KCNMB2: variants seen among roughly 807,000 people sequenced by gnomAD.
KCNMB2 encodes potassium calcium-activated channel subfamily M regulatory beta subunit 2, also known as calcium-activated potassium channel subunit beta-2.
A neutral mutation model predicts 24.5 loss-of-function variants in KCNMB2; 9 were observed. The observed-to-expected ratio is 0.37, with a 90% CI of 0.22 to 0.64. The LOEUF (loss-of-function observed/expected upper bound fraction) is 0.64. Among genes scored for constraint, KCNMB2 ranks in the 30% least tolerant of loss-of-function variants. The pLI is 0.63. For missense variants in KCNMB2, 226 were observed against 284.3 expected (o/e 0.79, Z 1.47); for synonymous variants, 109 against 104.4 (o/e 1.04, Z -0.27).
intron 1 of KCNMB2, among the ~76,000 whole-genome samples, chr3:178,554,229 T>C (rs955234601): frequency 6.6e-6 from 1 of 152,204 alleles, no homozygotes; most frequent in Admixed American, 6.5e-5. Flanking sequence ...TCCAGAGTTA[T>C]ATACTTTATC....
At chr3:178,613,314 C>G (rs1024039581) in intron 1 of KCNMB2, among the ~76,000 whole-genome samples, 1 of 152,214 alleles carries the variant, frequency 6.6e-6, no homozygotes, top group Non-Finnish European at 1.5e-5. Context: ...AGGAGAATCT[C>G]TTGACCCAGG....
chr3:178,842,563 A>G (rs1408356981), intron 4 of KCNMB2, 90 bp from the exon 5 acceptor site: 1 of 831,028 alleles, frequency 1.2e-6, no homozygotes. Flanking sequence ...TATTTCACAG[A>G]TCACTAATTT....
chr3:178,672,621 A>G (rs1426878797), intron 1 of KCNMB2, among the ~76,000 whole-genome samples: 1 of 152,250 alleles, frequency 6.6e-6, no homozygotes. Context: ...ACAAGGGTCT[A>G]TGCTAACACT....
chr3:178,696,385 G>C (rs1020560412), intron 1 of KCNMB2, among the ~76,000 whole-genome samples: 2 of 152,196 alleles, frequency 1.3e-5, no homozygotes, highest in East Asian at 1.9e-4. Flanking sequence ...TGTGTGCATA[G>C]AGGTGTTCAT....
chr3:178,803,482 G>A (rs995875978), intron 1 of KCNMB2, among the ~76,000 whole-genome samples: 4 of 152,156 alleles, frequency 2.6e-5, no homozygotes, highest in African/African-American at 4.8e-5. Flanking sequence ...CAGTGCATGA[G>A]GCCAAAGTCA....
At chr3:178,757,759 T>TATATATATAAGAGG (rs1724185927) in intron 1 of KCNMB2, among the ~76,000 whole-genome samples, 1 of 79,242 alleles carries the variant, frequency 1.3e-5, no homozygotes, top group East Asian at 4.2e-4. Flanking sequence ...TAAGAGGATA[T>TATATATATAAGAGG]ATATATATAT....
At chr3:178,540,372 C>T (rs1470743363) in intron 1 of KCNMB2, among the ~76,000 whole-genome samples, 1 of 152,222 alleles carries the variant, frequency 6.6e-6, no homozygotes, top group Admixed American at 6.5e-5. Flanking sequence ...TTCTCCCACC[C>T]ACACGTTCTA....
chr3:178,642,952 C>T (rs7621881), intron 1 of KCNMB2, among the ~76,000 whole-genome samples: 26,002 of 152,134 alleles, frequency 0.17, 2,275 homozygotes, highest in East Asian at 0.23. Context: ...CTGCAGAAGA[C>T]GTTTGACACA....
chr3:178,574,936 TG>T (rs1226916180), intron 1 of KCNMB2, among the ~76,000 whole-genome samples: 1 of 151,952 alleles, frequency 6.6e-6, no homozygotes, highest in African/African-American at 2.4e-5. Flanking sequence ...GGCATGGTGG[TG>T]CATACCTGTA....
chr3:178,682,714 A>G (rs996421071), intron 1 of KCNMB2, among the ~76,000 whole-genome samples: 1 of 152,168 alleles, frequency 6.6e-6, no homozygotes, highest in Non-Finnish European at 1.5e-5. Flanking sequence ...AGATAAGAAC[A>G]GACACTTCTT....
intron 1 of KCNMB2, among the ~76,000 whole-genome samples, chr3:178,793,281 G>A (rs1330213726): frequency 6.6e-6 from 1 of 152,172 alleles, no homozygotes; most frequent in Non-Finnish European, 1.5e-5. Flanking sequence ...GACAGTTGAT[G>A]ATGAAGCAAT....
intron 1 of KCNMB2, among the ~76,000 whole-genome samples, chr3:178,577,510 G>A (rs923487072): frequency 1.3e-5 from 2 of 152,224 alleles, no homozygotes; most frequent in African/African-American, 4.8e-5. Flanking sequence ...AAAGTGGACA[G>A]AGAATGAGTT....
chr3:178,714,457 G>T lies in KCNMB2; in HGVS notation c.-67-92886G>T, dbSNP rs551660698. ...ATCTGGGAAGCTTCACAAAATAAGT[G>T]ACTTTGCACTAGGTCTTGGAGGACC... is the stretch of plus-strand genomic sequence containing the variant. On this transcript the variant is annotated intron_variant, in intron 1 of 4. Transcript: ENST00000452583. 2.0e-5 allele frequency among the ~76,000 whole-genome samples: 3 copies of T among 152,272 alleles called. No individual in the cohort carries two copies. In the East Asian group the frequency reaches 5.8e-4, roughly 29 times the overall value.
At chr3:178,801,173 AAG>A (rs1256227917) in intron 1 of KCNMB2, among the ~76,000 whole-genome samples, 2 of 152,178 alleles carry the variant, frequency 1.3e-5, no homozygotes, top group Non-Finnish European at 2.9e-5. Context: ...AAATAACTAA[AAG>A]AGTAATAATT....
At chr3:178,720,242 G>C (rs576694900) in intron 1 of KCNMB2, among the ~76,000 whole-genome samples, 25 of 150,910 alleles carry the variant, frequency 1.7e-4, no homozygotes, top group Admixed American at 1.6e-3. Context: ...TTGGTTTTTT[G>C]TCCTTGCAAT....
intron 1 of KCNMB2, among the ~76,000 whole-genome samples, chr3:178,745,472 T>C (rs1723634865): frequency 6.6e-6 from 1 of 152,166 alleles, no homozygotes; most frequent in African/African-American, 2.4e-5. Flanking sequence ...AGATGAAATT[T>C]GGGTGCAGAC....
rs148122600 is a variant in KCNMB2, at chr3:178,636,336, A to C, written c.-68+99625A>C. Among the ~76,000 whole-genome samples, 900 of 152,334 alleles carry C rather than the reference A, an allele frequency of 5.9e-3. 10 individuals are homozygous for C. The highest frequency in any genetic ancestry group is 0.021 in the African/African-American group (856 of 41,570). On this transcript the variant is annotated intron_variant, in intron 1 of 4. Transcript: ENST00000452583. ...GGTGATGGGTGCACCAAAATCTTACAAATCACCACTAAAGAACTTACTCAT... is the reference window on the plus strand; with the variant it reads ...GGTGATGGGTGCACCAAAATCTTACCAATCACCACTAAAGAACTTACTCAT...
At chr3:178,611,667 T>G (rs1433638733) in intron 1 of KCNMB2, among the ~76,000 whole-genome samples, 1 of 152,150 alleles carries the variant, frequency 6.6e-6, no homozygotes, top group Non-Finnish European at 1.5e-5. Flanking sequence ...ATCGCACCAC[T>G]GCACTCCAGC....
chr3:178,607,156 G>C (rs560033273), intron 1 of KCNMB2, among the ~76,000 whole-genome samples: 7 of 152,288 alleles, frequency 4.6e-5, no homozygotes, highest in African/African-American at 1.7e-4. Flanking sequence ...CTCTTAAAGA[G>C]AGGTTAAGAC....
Sources: gnomAD v4.1 joint callset for allele counts (sites outside exome capture counted in the v4.1 genomes callset) on GRCh38, gnomAD v4.1.1 for gene constraint, MANE v1.5 for transcripts, NCBI Gene and HGNC (gene_info 2026-07-23, HGNC 2026-07-21) for gene names.